The following TMEM117 variants were observed in gnomAD, a reference collection of about 807,000 sequenced individuals.
The protein encoded by TMEM117 is transmembrane protein 117.
Under a neutral mutation model 52.4 loss-of-function variants are expected in TMEM117, and 27 were observed. The ratio of observed to expected loss-of-function variants is 0.51; its 90% CI spans 0.38 to 0.71. The LOEUF (loss-of-function observed/expected upper bound fraction) is 0.71. TMEM117 is among the 30% of genes least tolerant of loss of function. The pLI is 0.00. For missense variants in TMEM117, 556 were observed against 630.5 expected (o/e 0.88, Z 1.26); for synonymous variants, 215 against 206.3 (o/e 1.04, Z -0.36).
chr12:44,045,153 A>G (rs752151480), intron 3 of TMEM117, among the ~76,000 whole-genome samples: 2 of 152,146 alleles, frequency 1.3e-5, no homozygotes, highest in African/African-American at 2.4e-5. Context: ...TCATTGCCCA[A>G]TGGGTCCATG....
chr12:44,334,272 A>G (rs1951310390), intron 6 of TMEM117, among the ~76,000 whole-genome samples: 1 of 152,072 alleles, frequency 6.6e-6, no homozygotes, highest in African/African-American at 2.4e-5. Context: ...CTTATATTCA[A>G]TGTAGGGCTT....
At chr12:44,186,615 C>A (rs550948522) in intron 4 of TMEM117, among the ~76,000 whole-genome samples, 1 of 152,124 alleles carries the variant, frequency 6.6e-6, no homozygotes, top group African/African-American at 2.4e-5. Context: ...TTTAAAAAAT[C>A]TAGCAATAGT....
At chr12:43,989,442 C>T (rs563966724) in intron 3 of TMEM117, among the ~76,000 whole-genome samples, 332 of 152,166 alleles carry the variant, frequency 2.2e-3, no homozygotes, top group Non-Finnish European at 4.0e-3. Flanking sequence ...TCTACTGCTA[C>T]ATTTTTTTTT....
intron 4 of TMEM117, among the ~76,000 whole-genome samples, chr12:44,207,551 C>T (rs1949585821): frequency 6.6e-6 from 1 of 152,060 alleles, no homozygotes; most frequent in South Asian, 2.1e-4. Flanking sequence ...TAAATTATGT[C>T]TTTATCATTT....
At chr12:44,134,253 G>T (rs539206468) in intron 3 of TMEM117, among the ~76,000 whole-genome samples, 144 of 152,218 alleles carry the variant, frequency 9.5e-4, no homozygotes, top group African/African-American at 3.2e-3. Flanking sequence ...TCACTCTGTT[G>T]CCCAGGCTTG....
chr12:44,194,364 ATTT>A (rs1169116312), intron 4 of TMEM117, among the ~76,000 whole-genome samples: 1 of 152,154 alleles, frequency 6.6e-6, no homozygotes, highest in Non-Finnish European at 1.5e-5. Context: ...ATAATCACAA[ATTT>A]TTCAAATTGG....
chr12:43,962,935 A>G (rs895613476), intron 3 of TMEM117, among the ~76,000 whole-genome samples: 2 of 137,968 alleles, frequency 1.4e-5, no homozygotes, highest in Non-Finnish European at 3.2e-5. Flanking sequence ...GACTCCGTTT[A>G]AAAAAAAAAA....
At chr12:44,144,814 G>A (rs1011915565) in intron 4 of TMEM117, among the ~76,000 whole-genome samples, 10 of 152,190 alleles carry the variant, frequency 6.6e-5, no homozygotes, top group African/African-American at 2.4e-4. Flanking sequence ...TCTAGAAATA[G>A]CAATTAGAAT....
chr12:43,964,752 C>G (rs1443572782), intron 3 of TMEM117, among the ~76,000 whole-genome samples: 2 of 152,182 alleles, frequency 1.3e-5, no homozygotes, highest in African/African-American at 4.8e-5. Context: ...GGGTTCTTAT[C>G]TATAATTAGT....
At chr12:44,371,253 A>G (rs1165859703) in intron 6 of TMEM117, among the ~76,000 whole-genome samples, 1 of 152,212 alleles carries the variant, frequency 6.6e-6, no homozygotes, top group Admixed American at 6.5e-5. Context: ...TATGATATTC[A>G]TAGATCTAAA....
intron 3 of TMEM117, among the ~76,000 whole-genome samples, chr12:44,077,430 T>G (rs1175324678): frequency 6.6e-6 from 1 of 152,230 alleles, no homozygotes; most frequent in Non-Finnish European, 1.5e-5. Flanking sequence ...TGGTCTGATC[T>G]AAATTTATTA....
At chr12:44,048,378 T>G (rs992172438) in intron 3 of TMEM117, among the ~76,000 whole-genome samples, 2 of 152,184 alleles carry the variant, frequency 1.3e-5, no homozygotes. Context: ...GCCATCTCTC[T>G]TTTTTCACTT....
At chr12:43,965,304 C>T (rs1203432605) in intron 3 of TMEM117, among the ~76,000 whole-genome samples, 1 of 152,246 alleles carries the variant, frequency 6.6e-6, no homozygotes, top group African/African-American at 2.4e-5. Context: ...CAGAGCCCCA[C>T]ACATCACATG....
intron 5 of TMEM117, among the ~76,000 whole-genome samples, chr12:44,291,374 GTTTTTTTTTTT>G (rs1185340451): frequency 1.4e-5 from 1 of 71,456 alleles, no homozygotes; most frequent in Non-Finnish European, 2.8e-5. Flanking sequence ...AGTTCTAACA[GTTTTTTTTTTT>G]TTTTTTTTTT....
chr12:44,147,068 A>G (rs1948653398), intron 4 of TMEM117, among the ~76,000 whole-genome samples: 1 of 152,208 alleles, frequency 6.6e-6, no homozygotes. Context: ...TGCAGAGGAC[A>G]AGAGATATAT....
At chr12:44,209,381 A>G (rs889423939) in intron 4 of TMEM117, among the ~76,000 whole-genome samples, 12 of 152,130 alleles carry the variant, frequency 7.9e-5, no homozygotes, top group African/African-American at 2.7e-4. Flanking sequence ...CATTAGTTTG[A>G]GTGAGAAAAT....
chr12:43,899,573 G>C (rs1316538613), intron 2 of TMEM117, among the ~76,000 whole-genome samples: 1 of 152,066 alleles, frequency 6.6e-6, no homozygotes, highest in Non-Finnish European at 1.5e-5. Context: ...TGTTTCCTCA[G>C]TAAGCCACTT....
At chr12:43,995,121 A>G (rs1405904437) in intron 3 of TMEM117, among the ~76,000 whole-genome samples, 1 of 151,906 alleles carries the variant, frequency 6.6e-6, no homozygotes, top group African/African-American at 2.4e-5. Flanking sequence ...CTAAAATACA[A>G]TTAGTCGGGT....
intron 3 of TMEM117, among the ~76,000 whole-genome samples, chr12:44,108,508 A>G (rs1948004697): frequency 1.1e-5 from 1 of 88,848 alleles, no homozygotes; most frequent in Non-Finnish European, 2.0e-5. Context: ...TTCCAATTTC[A>G]TCCATGTCCC....
Sources: gnomAD v4.1 joint callset for allele counts (sites outside exome capture counted in the v4.1 genomes callset) on GRCh38, gnomAD v4.1.1 for gene constraint, MANE v1.5 for transcripts, NCBI Gene and HGNC (gene_info 2026-07-23, HGNC 2026-07-21) for gene names.